MAGI2: variants seen among roughly 807,000 people sequenced by gnomAD.
The protein encoded by MAGI2 is membrane associated guanylate kinase, WW and PDZ domain containing 2.
In MAGI2, 35 loss-of-function variants were observed where a neutral mutation model predicts 133.3. The observed-to-expected ratio is 0.26, with a 90% CI of 0.20 to 0.35. MAGI2 has a LOEUF of 0.35. Ranked by LOEUF, MAGI2 falls within the 10% of genes least tolerant of loss-of-function variation. MAGI2 has a pLI of 1.00. For synonymous variants in MAGI2, 729 were observed against 710.6 expected (o/e 1.03, Z -0.41); for missense variants, 1,636 against 1,863.4 (o/e 0.88, Z 2.25).
intron 20 of MAGI2, 60 bp from the exon 21 acceptor site, chr7:78,079,145 A>G: frequency 1.3e-6 from 2 of 1,518,000 alleles, no homozygotes; most frequent in Non-Finnish European, 1.8e-6. Context: ...TGCATTGTCA[A>G]CAGATTAAAA....
intron 2 of MAGI2, among the ~76,000 whole-genome samples, chr7:78,941,368 G>T (rs572739833): frequency 2.0e-5 from 3 of 152,214 alleles, no homozygotes; most frequent in Non-Finnish European, 2.9e-5. Flanking sequence ...ATTTATTTTT[G>T]AGACAGAGTC....
intron 2 of MAGI2, among the ~76,000 whole-genome samples, chr7:78,725,730 T>C (rs1393366676): frequency 6.6e-6 from 1 of 151,686 alleles, no homozygotes; most frequent in Non-Finnish European, 1.5e-5. Flanking sequence ...ACCTGGGAGG[T>C]GGAGCTTGCA....
chr7:78,577,119 A>T (rs2150795251), intron 3 of MAGI2, among the ~76,000 whole-genome samples: 1 of 152,350 alleles, frequency 6.6e-6, no homozygotes, highest in South Asian at 2.1e-4. Context: ...AAGAAAAAGG[A>T]TATTTTTTGT....
At chr7:78,382,283 C>G (rs2151294430) in intron 6 of MAGI2, among the ~76,000 whole-genome samples, 1 of 151,834 alleles carries the variant, frequency 6.6e-6, no homozygotes, top group South Asian at 2.1e-4. Flanking sequence ...TGGGAGAGAT[C>G]AGAAAGGGAA....
intron 3 of MAGI2, among the ~76,000 whole-genome samples, chr7:78,604,265 A>G (rs960117448): frequency 3.3e-5 from 5 of 152,202 alleles, no homozygotes; most frequent in Non-Finnish European, 7.4e-5. Flanking sequence ...AGATGGAAGA[A>G]GCATGGTGCA....
chr7:78,417,356 G>T (rs1182919067), intron 6 of MAGI2, among the ~76,000 whole-genome samples: 1 of 150,928 alleles, frequency 6.6e-6, no homozygotes, highest in Non-Finnish European at 1.5e-5. Context: ...ACTCATGATT[G>T]ACGGGTGTGT....
At chr7:79,168,885 G>GAT (rs752134999) in intron 1 of MAGI2, among the ~76,000 whole-genome samples, 42 of 138,794 alleles carry the variant, frequency 3.0e-4, no homozygotes, top group South Asian at 9.9e-4. Context: ...TCTTTCTAAA[G>GAT]ATAGATATAT....
At chr7:79,009,230 T>C (rs77891321) in intron 1 of MAGI2, 9 of 152,264 alleles carry the variant, frequency 5.9e-5, no homozygotes, top group Non-Finnish European at 1.0e-4. Flanking sequence ...CCTTTTTTTT[T>C]CTTTACTACA....
rs538871979 is a variant in MAGI2 at position 78,385,186 on chromosome 7, C to T, written c.1046-15973G>A. On this transcript the variant is annotated intron_variant, in intron 6 of 21. Coordinates refer to ENST00000354212, the MANE Select transcript of MAGI2 (RefSeq NM_012301.4). ...AAGTAATCCACAGACATTTTAAAAA[C>T]GGATGCATGCAAAGAAAACTCAATA... Among the ~76,000 whole-genome samples, 7 of 152,180 alleles carry T rather than the reference C, an allele frequency of 4.6e-5. No homozygotes were observed. In the East Asian group the frequency reaches 5.8e-4, roughly 13 times the overall value.
At chr7:78,104,337 C>T (rs867442369) in intron 20 of MAGI2, among the ~76,000 whole-genome samples, 1 of 152,182 alleles carries the variant, frequency 6.6e-6, no homozygotes, top group East Asian at 1.9e-4. Flanking sequence ...ATTCTCCTGC[C>T]TCAGCCTCCC....
chr7:78,808,288 GC>G (rs1324944381), intron 2 of MAGI2, among the ~76,000 whole-genome samples: 1 of 151,816 alleles, frequency 6.6e-6, no homozygotes, highest in African/African-American at 2.4e-5. Context: ...ACAGAGTCTC[GC>G]TCTGTCACCC....
chr7:78,511,555 T>TATAAA (rs1563103866), intron 4 of MAGI2, among the ~76,000 whole-genome samples: 16 of 118,704 alleles, frequency 1.3e-4, no homozygotes, highest in East Asian at 1.1e-3. Context: ...ATATAAATTT[T>TATAAA]TTTTTTTTTT....
intron 1 of MAGI2, among the ~76,000 whole-genome samples, chr7:79,260,686 T>G (rs1283470636): frequency 6.6e-6 from 1 of 152,318 alleles, no homozygotes; most frequent in South Asian, 2.1e-4. Context: ...CTGTCAAAAC[T>G]TTATTTCACG....
chr7:78,569,081 C>A (rs770902266), intron 3 of MAGI2, among the ~76,000 whole-genome samples: 2 of 151,954 alleles, frequency 1.3e-5, no homozygotes, highest in Non-Finnish European at 2.9e-5. Flanking sequence ...CCTGACCATG[C>A]ACCGTGACCA....
At chr7:78,069,571 A>AGAGAGAGAGAGAGAGAGG in intron 21 of MAGI2, among the ~76,000 whole-genome samples, 1 of 141,488 alleles carries the variant, frequency 7.1e-6, no homozygotes, top group African/African-American at 2.6e-5. Flanking sequence ...AGAGAGAGAG[A>AGAGAGAGAGAGAGAGAGG]GGCTTCTGAT....
chr7:79,299,151 G>A (rs1017691094), intron 1 of MAGI2, among the ~76,000 whole-genome samples: 6 of 152,248 alleles, frequency 3.9e-5, no homozygotes, highest in Non-Finnish European at 7.4e-5. Flanking sequence ...GCTCAGAATT[G>A]TGAGCATGGT....
At chr7:78,958,355 T>A (rs1380631576) in intron 2 of MAGI2, among the ~76,000 whole-genome samples, 1 of 152,154 alleles carries the variant, frequency 6.6e-6, no homozygotes, top group East Asian at 1.9e-4. Flanking sequence ...GAACTTTGTG[T>A]CACATTGATG....
At chr7:78,649,236 G>GAAAAAAAGA (rs1811261346) in intron 2 of MAGI2, among the ~76,000 whole-genome samples, 1 of 88,188 alleles carries the variant, frequency 1.1e-5, no homozygotes, top group Non-Finnish European at 2.1e-5. Context: ...AAAAAAAAAA[G>GAAAAAAAGA]AAAAAAAAAG....
At chr7:78,289,270 A>G (rs1193583912) in intron 9 of MAGI2, among the ~76,000 whole-genome samples, 2 of 152,224 alleles carry the variant, frequency 1.3e-5, no homozygotes, top group Non-Finnish European at 2.9e-5. Flanking sequence ...AAATGACCTG[A>G]TGGAGCTGAA....
Sources: gnomAD v4.1 joint callset for allele counts (sites outside exome capture counted in the v4.1 genomes callset) on GRCh38, gnomAD v4.1.1 for gene constraint, MANE v1.5 for transcripts, NCBI Gene and HGNC (gene_info 2026-07-23, HGNC 2026-07-21) for gene names.